The following UNK variants were observed in gnomAD, a reference collection of about 807,000 sequenced individuals.
The protein encoded by UNK is unk zinc finger.
UNK carries 32 observed loss-of-function variants against 97.6 expected under a neutral mutation model. The ratio of observed to expected loss-of-function variants is 0.33; its 90% CI spans 0.25 to 0.44. UNK has a LOEUF of 0.44. Among genes scored for constraint, UNK ranks in the 20% least tolerant of loss-of-function variants. The pLI is 1.00. For missense variants in UNK, 771 were observed against 1,098.4 expected, an observed-to-expected ratio of 0.70 and a Z score of 4.21; for synonymous variants, 441 against 461.2, an observed-to-expected ratio of 0.96 and a Z score of 0.56.
In UNK at chr17:75,823,177, C is replaced by CA. The variant is rs2062084763; in HGVS notation, c.2020-87dup. 4.0e-6 allele frequency: 6 copies of CA among 1,499,492 alleles called. No individual in the cohort carries two copies. In the South Asian group the frequency reaches 6.7e-5, roughly 17 times the overall value. 92.9% of individuals were successfully genotyped at this position (1,499,492 alleles called of 1,614,324 possible). ...CAACCCAGCTTCCCACCAGGCCTCG[C>CA]AGCCAGAGTGGCCCCCAAAAGATGA... On this transcript the variant is annotated intron_variant, in intron 14 of 15. Coordinates refer to ENST00000589666, the MANE Select transcript of UNK (RefSeq NM_001080419.3).
At position 75,819,939 on chromosome 17, in the gene UNK, C is replaced by T. The variant is rs1216355430; in HGVS notation, c.1668C>T (p.Ser556=). The T allele has an allele frequency of 6.2e-7, 1 of 1,611,528 alleles. No homozygotes were observed. The highest frequency in any genetic ancestry group is 1.3e-5 in the African/African-American group (1 of 74,904). Residue 556 remains serine, a synonymous_variant, in exon 13 of 16, where the codon AGC becomes AGT. Transcript: ENST00000589666. The surrounding 1 kb of genome is among the most constrained non-coding windows in gnomAD (Gnocchi z 5.4). ...SITIGGSLLQ[S]SAPVNIPGSL... The stretch of plus-strand genomic sequence containing the variant: ...TTGCAGGCGGCAGCTTGCTGCAGAG[C>T]TCTGCACCCGTGAACATCCCCGGCT...
chr17:75,787,041 T>C (rs1019690160), intron 1 of UNK, among the ~76,000 whole-genome samples: 1 of 152,192 alleles, frequency 6.6e-6, no homozygotes, highest in African/African-American at 2.4e-5. Flanking sequence ...TGTGTGTTTT[T>C]ATATTTGTAT....
chr17:75,793,254 T>G (rs561872761), intron 1 of UNK, among the ~76,000 whole-genome samples: 33 of 152,260 alleles, frequency 2.2e-4, no homozygotes, highest in African/African-American at 7.7e-4. Context: ...TAAAATGTAA[T>G]AGAGTCCATT....
chr17:75,823,913 T>C (rs1379878324), intron 15 of UNK, among the ~76,000 whole-genome samples: 1 of 152,118 alleles, frequency 6.6e-6, no homozygotes, highest in African/African-American at 2.4e-5. Context: ...CGTGGCATGG[T>C]GGGAAGAGCT....
chr17:75,820,165 A>G, intron 13 of UNK, 57 bp downstream of exon 13: 2 of 1,544,362 alleles, frequency 1.3e-6, no homozygotes, highest in Non-Finnish European at 1.8e-6. Flanking sequence ...CGCCTTTAGG[A>G]GGTGCCTCTG....
intron 1 of UNK, among the ~76,000 whole-genome samples, chr17:75,794,435 G>A (rs1018666934): frequency 1.3e-4 from 20 of 152,128 alleles, no homozygotes; most frequent in African/African-American, 4.6e-4. Flanking sequence ...TCAGGAGCTC[G>A]AGACCAGCCT....
In UNK at chr17:75,824,340, G is replaced by T; in HGVS notation, c.2356G>T (p.Ala786Ser). 1 of 1,602,862 alleles carries T rather than the reference G, an allele frequency of 6.2e-7. No individual in the cohort carries two copies. ...KRAVLPCQHA[A>S]LCELCAEGSE... Reference sequence around the variant, plus strand: ...GGCAGTGCTGCCGTGCCAACACGCTGCGCTGTGTGAGCTCTGCGCTGAGGG... The same window carrying T: ...GGCAGTGCTGCCGTGCCAACACGCTTCGCTGTGTGAGCTCTGCGCTGAGGG... The change falls in exon 16 of 16, where the codon GCG (alanine) becomes TCG (serine). Residue 786 changes from alanine (A) to serine (S), a missense_variant. By Grantham distance (99) the Ala-to-Ser change is moderately conservative (BLOSUM62 1). Transcript: ENST00000589666. This position sits in a 1 kb window ranked among gnomAD's most constrained non-coding sequence, Gnocchi z 4.9.
Position 75,813,397 on chromosome 17 carries a change from C to T in UNK, c.758+184C>T, listed in dbSNP as rs184886688. Among the ~76,000 whole-genome samples, 281 of 152,294 alleles carry T rather than the reference C, an allele frequency of 1.8e-3. 1 individual carries two copies. Among genetic ancestry groups the T allele is most frequent in the African/African-American group, 6.4e-3 (267 of 41,564 alleles). On this transcript the variant is annotated intron_variant, in intron 5 of 15. Coordinates refer to ENST00000589666, the MANE Select transcript of UNK (RefSeq NM_001080419.3). The stretch of plus-strand genomic sequence containing the variant: ...CTGGACAGTAGGAGCCCAGCTTCAC[C>T]TCCTGCATGAATGAGGACCCTGGTC...
At chr17:75,797,111 T>A (rs2061812886) in intron 1 of UNK, among the ~76,000 whole-genome samples, 1 of 152,214 alleles carries the variant, frequency 6.6e-6, no homozygotes, top group Non-Finnish European at 1.5e-5. Flanking sequence ...TTTCCTTTAG[T>A]GCTAGTTGCA....
chr17:75,815,284 C>A, intron 7 of UNK, 31 bp downstream of exon 7: 3 of 1,582,230 alleles, frequency 1.9e-6, no homozygotes, highest in Non-Finnish European at 2.6e-6. Flanking sequence ...CGGGGCAGTG[C>A]CCTCTCCCAC....
At chr17:75,799,486 T>C (rs1346963401) in intron 1 of UNK, among the ~76,000 whole-genome samples, 1 of 152,218 alleles carries the variant, frequency 6.6e-6, no homozygotes. Context: ...CCAGGAGATG[T>C]ATCTAAGTCA....
intron 1 of UNK, among the ~76,000 whole-genome samples, chr17:75,800,414 G>A (rs1163770088): frequency 6.6e-6 from 1 of 151,100 alleles, no homozygotes; most frequent in East Asian, 2.0e-4. Flanking sequence ...GTGATGTGAC[G>A]ATTGTATGAA....
rs1350332012 is a variant in UNK at position 75,817,724 on chromosome 17, A to G, written c.1305+198A>G. On this transcript the variant is annotated intron_variant, in intron 9 of 15. Coordinates refer to ENST00000589666, the MANE Select transcript of UNK (RefSeq NM_001080419.3). This position sits in a 1 kb window ranked among gnomAD's most constrained non-coding sequence, Gnocchi z 5.8. ...AAGACAGGAAGGCTGGGGAGGCTGC[A>G]TAGCCTCCCCTGGGCTGCAGAGCTG... Among the ~76,000 whole-genome samples the G allele has an allele frequency of 6.6e-6, 1 of 152,196 alleles. No homozygotes were observed. Among genetic ancestry groups the G allele is most frequent in the East Asian group, 1.9e-4 (1 of 5,170 alleles).
chr17:75,785,117 T>G, intron 1 of UNK, 133 bp downstream of exon 1: 7 of 577,038 alleles, frequency 1.2e-5, no homozygotes, highest in Non-Finnish European at 2.0e-5. Context: ...CCCAGACCGG[T>G]TCCAACCTGC....
chr17:75,814,489 CAAAAAAAAAA>C (rs59234903), intron 6 of UNK, among the ~76,000 whole-genome samples: 5 of 70,010 alleles, frequency 7.1e-5, no homozygotes, highest in South Asian at 6.6e-4. Context: ...GAGACTCCAT[CAAAAAAAAAA>C]AAAAAAAAAA....
At chr17:75,815,906 AT>A (rs1375245477) in intron 7 of UNK, among the ~76,000 whole-genome samples, 30 of 139,556 alleles carry the variant, frequency 2.1e-4, no homozygotes, top group African/African-American at 7.1e-4. Flanking sequence ...AAAAAAAAAA[AT>A]TAAAAAAGAA....
At chr17:75,800,694 G>A (rs576886841) in intron 1 of UNK, among the ~76,000 whole-genome samples, 131 of 151,352 alleles carry the variant, frequency 8.7e-4, no homozygotes, top group Non-Finnish European at 1.4e-3. Flanking sequence ...CTGAGATCGC[G>A]CCACTGCACT....
At chr17:75,822,439 G>C (rs988341111) in intron 13 of UNK, 38 bp from the exon 14 acceptor site, 3 of 1,570,232 alleles carry the variant, frequency 1.9e-6, no homozygotes, top group East Asian at 2.3e-5. Flanking sequence ...TGGGCCCAAA[G>C]CCCTCCGGAG....
chr17:75,812,334 A>C, intron 3 of UNK, 46 bp downstream of exon 3: 1 of 1,587,630 alleles, frequency 6.3e-7, no homozygotes, highest in Non-Finnish European at 8.6e-7. Flanking sequence ...GCTGGGGTCC[A>C]GGGCAGGGGC....
Sources: allele counts gnomAD v4.1 joint callset (sites outside exome capture counted in the v4.1 genomes callset), GRCh38; gene constraint gnomAD v4.1.1; non-coding constraint Gnocchi (gnomAD v3.1); transcripts MANE v1.5; gene names NCBI Gene and HGNC (gene_info 2026-07-23, HGNC 2026-07-21).